Variants in ITK observed in about 807,000 individuals in gnomAD.
ITK encodes the protein tyrosine-protein kinase ITK/TSK.
ITK carries 45 observed loss-of-function variants against 87.6 expected under a neutral mutation model. The ratio of observed to expected loss-of-function variants is 0.51; its 90% CI spans 0.40 to 0.66. The LOEUF (loss-of-function observed/expected upper bound fraction) is 0.66, where lower values mean the gene tolerates loss of function less well. Ranked by LOEUF, ITK falls within the 30% of genes least tolerant of loss-of-function variation. ITK has a pLI of 0.00. For synonymous variants in ITK, 303 were observed against 273.6 expected (o/e 1.11, Z -1.06); for missense variants, 605 against 766.3 (o/e 0.79, Z 2.48).
chr5:157,182,471 C>T lies in ITK; in HGVS notation c.138+1356C>T, dbSNP rs148661224. Among the ~76,000 whole-genome samples the T allele has an allele frequency of 3.4e-3, 518 of 152,214 alleles. 2 individuals carry two copies. Among genetic ancestry groups the T allele is most frequent in the African/African-American group, 0.012 (507 of 41,540 alleles). On this transcript the variant is annotated intron_variant, in intron 1 of 16. Transcript: ENST00000422843. ...AGTTGCAGGCGAAATAGCTCTGCCT[C>T]TTTAGAAGTGAAAAGAATTGCTTGT...
Position 157,241,778 on chromosome 5 carries a change from G to A in ITK, c.1060+58G>A, listed in dbSNP as rs1754912985. ...TCCCTAAAGGTCTGGGGCAAATTCT[G>A]AATAAACTGGCCATGAGCCTACCTG... On this transcript the variant is annotated intron_variant, in intron 11 of 16. Coordinates refer to ENST00000422843, the MANE Select transcript of ITK (RefSeq NM_005546.4). 12 of 1,267,204 alleles carry A rather than the reference G, an allele frequency of 9.5e-6. No individual in the cohort carries two copies. In the South Asian group the frequency reaches 1.3e-4, roughly 14 times the overall value. The allele number at this position is 1,267,204 out of a possible 1,614,324, so 78.5% of individuals were successfully genotyped here.
At chr5:157,188,529 A>G (rs955384495) in intron 1 of ITK, among the ~76,000 whole-genome samples, 14 of 152,154 alleles carry the variant, frequency 9.2e-5, no homozygotes, top group Non-Finnish European at 1.5e-4. Context: ...AGTGAGACAC[A>G]CACATAAAAT....
At chr5:157,250,042 A>C (rs1328095573) in intron 16 of ITK, among the ~76,000 whole-genome samples, 8 of 152,194 alleles carry the variant, frequency 5.3e-5, no homozygotes, top group Admixed American at 6.5e-5. Flanking sequence ...AGTGTGATAC[A>C]TTTGTTACAA....
chr5:157,201,039 A>G (rs970294191), intron 1 of ITK, among the ~76,000 whole-genome samples: 6 of 152,110 alleles, frequency 3.9e-5, no homozygotes, highest in Non-Finnish European at 5.9e-5. Flanking sequence ...CACAAATGCA[A>G]TGTTGGCTCA....
At chr5:157,201,411 C>T (rs1279080702) in intron 1 of ITK, among the ~76,000 whole-genome samples, 5 of 150,960 alleles carry the variant, frequency 3.3e-5, no homozygotes, top group Non-Finnish European at 7.4e-5. Context: ...GATTCTCCTG[C>T]CTCAGCCTCC....
intron 12 of ITK, 35 bp downstream of exon 12, chr5:157,243,829 G>A: frequency 6.3e-7 from 1 of 1,595,972 alleles, no homozygotes; most frequent in Non-Finnish European, 8.6e-7. Context: ...CAGAAACTCT[G>A]GGGGGAACAT....
chr5:157,253,000 C>G lies in ITK; in HGVS notation c.*322C>G. On this transcript the variant is annotated 3_prime_UTR_variant, in exon 17 of 17. Transcript: ENST00000422843. ...ACAGCATTCTTGCACTTCTTAGCAACAGAGAGAGACATGAGTAAGACCCAG... is the reference window on the plus strand; with the variant it reads ...ACAGCATTCTTGCACTTCTTAGCAAGAGAGAGAGACATGAGTAAGACCCAG... The G allele has an allele frequency of 2.3e-6, 1 of 437,704 alleles. No individual in the cohort carries two copies. The highest frequency in any genetic ancestry group is 4.3e-6 in the Non-Finnish European group (1 of 233,856). 27.1% of individuals were successfully genotyped at this position (437,704 alleles called of 1,614,324 possible).
At chr5:157,213,684 G>T (rs1561654208) in intron 3 of ITK, 1 of 387,770 alleles carries the variant, frequency 2.6e-6, no homozygotes, top group Admixed American at 3.6e-5. Context: ...ACCCAACTCT[G>T]TTCTGTGCCT....
intron 10 of ITK, 31 bp downstream of exon 10, chr5:157,240,226 C>T (rs957728410): frequency 3.0e-5 from 49 of 1,610,438 alleles, no homozygotes; most frequent in Non-Finnish European, 4.0e-5. Context: ...GGACCCGGGC[C>T]GCCCAGCAGG....
intron 8 of ITK, among the ~76,000 whole-genome samples, chr5:157,237,356 C>G (rs1754797419): frequency 6.6e-6 from 1 of 152,144 alleles, no homozygotes; most frequent in Non-Finnish European, 1.5e-5. Flanking sequence ...AAGATAGTAA[C>G]AATAGACAGT....
At position 157,252,878 on chromosome 5, in the gene ITK, C is replaced by A; in HGVS notation, c.*200C>A. 1.6e-6 allele frequency: 1 copy of A among 625,566 alleles called. No homozygotes were observed. The highest frequency in any genetic ancestry group is 2.9e-6 in the Non-Finnish European group (1 of 343,112). The allele number at this position is 625,566 out of a possible 1,614,324, so 38.8% of individuals were successfully genotyped here. ...AAGCCACAGCTGGAGGGTCAGCCAC[C>A]AAGCTGGGAGCTGAGCCAGAACAGG... On this transcript the variant is annotated 3_prime_UTR_variant, in exon 17 of 17. Transcript: ENST00000422843.
At chr5:157,205,738 G>A (rs1754064755) in intron 1 of ITK, among the ~76,000 whole-genome samples, 1 of 152,164 alleles carries the variant, frequency 6.6e-6, no homozygotes, top group African/African-American at 2.4e-5. Flanking sequence ...GTTGGCTGTA[G>A]TTTGTCATAG....
intron 9 of ITK, 79 bp downstream of exon 9, chr5:157,238,270 T>G: frequency 9.2e-7 from 1 of 1,087,052 alleles, no homozygotes; most frequent in South Asian, 1.3e-5. Flanking sequence ...GACAACAAAG[T>G]TAGACAGTGC....
intron 1 of ITK, among the ~76,000 whole-genome samples, chr5:157,204,004 T>C (rs576915620): frequency 4.6e-5 from 7 of 152,266 alleles, no homozygotes; most frequent in African/African-American, 1.7e-4. Context: ...TAGTATTTTG[T>C]TTTGTTTGTT....
chr5:157,197,328 G>C (rs189840618), intron 1 of ITK, among the ~76,000 whole-genome samples: 8 of 152,074 alleles, frequency 5.3e-5, no homozygotes, highest in Non-Finnish European at 1.2e-4. Context: ...GCATCATTTC[G>C]CACACCCAGC....
At chr5:157,251,685 G>T (rs942560487) in intron 16 of ITK, among the ~76,000 whole-genome samples, 10 of 152,156 alleles carry the variant, frequency 6.6e-5, no homozygotes, top group African/African-American at 2.2e-4. Flanking sequence ...TTTCCTGAAA[G>T]GTGTCAGGTC....
chr5:157,188,641 G>A (rs1057223645), intron 1 of ITK, among the ~76,000 whole-genome samples: 1 of 152,132 alleles, frequency 6.6e-6, no homozygotes, highest in Non-Finnish European at 1.5e-5. Context: ...TTGTTTGTCT[G>A]AAACATGGTC....
intron 1 of ITK, among the ~76,000 whole-genome samples, chr5:157,201,971 T>C (rs1015293180): frequency 2.6e-5 from 4 of 152,162 alleles, no homozygotes; most frequent in African/African-American, 9.7e-5. Context: ...AGTAGGTAGA[T>C]TTTCAATTCC....
intron 1 of ITK, among the ~76,000 whole-genome samples, chr5:157,185,716 T>C (rs1297294472): frequency 6.7e-6 from 1 of 149,398 alleles, no homozygotes; most frequent in Admixed American, 6.7e-5. Flanking sequence ...TGGTGCTGCA[T>C]GCCTGTAGTC....
Sources: gnomAD v4.1 joint callset for allele counts (sites outside exome capture counted in the v4.1 genomes callset) on GRCh38, gnomAD v4.1.1 for gene constraint, MANE v1.5 for transcripts, NCBI Gene and HGNC (gene_info 2026-07-23, HGNC 2026-07-21) for gene names.